The following TSPAN18 variants were observed in gnomAD, a reference collection of about 807,000 sequenced individuals.
TSPAN18 encodes the protein tetraspanin-18.
Under a neutral mutation model 27.3 loss-of-function variants are expected in TSPAN18, and 14 were observed. That is an observed-to-expected ratio of 0.51 (90% CI 0.34 to 0.80). The LOEUF (loss-of-function observed/expected upper bound fraction) is 0.80, where lower values mean the gene tolerates loss of function less well. Among genes scored for constraint, TSPAN18 ranks in the 30% least tolerant of loss-of-function variants. The probability of loss-of-function intolerance (pLI) is 0.01; values close to 1 mark genes in which losing one functional copy is unlikely to be tolerated. For missense variants in TSPAN18, 268 were observed against 323.9 expected (o/e 0.83, Z 1.32); for synonymous variants, 143 against 136.5 (o/e 1.05, Z -0.33).
intron 3 of TSPAN18, among the ~76,000 whole-genome samples, chr11:44,896,643 C>T (rs147242901): frequency 1.2e-3 from 181 of 152,302 alleles, no homozygotes; most frequent in African/African-American, 4.3e-3. Context: ...TACCTCTGCA[C>T]TCCCCCAAGA....
At chr11:44,786,445 A>G (rs1380205026) in intron 2 of TSPAN18, among the ~76,000 whole-genome samples, 3 of 151,322 alleles carry the variant, frequency 2.0e-5, no homozygotes, top group Non-Finnish European at 2.9e-5. Flanking sequence ...GGGTAGGTTC[A>G]GAGTGAAACT....
At chr11:44,872,638 T>C (rs114503141) in intron 3 of TSPAN18, among the ~76,000 whole-genome samples, 75 of 152,332 alleles carry the variant, frequency 4.9e-4, no homozygotes, top group African/African-American at 1.8e-3. Flanking sequence ...GCTTACTATA[T>C]GCCAGACTCT....
intron 2 of TSPAN18, among the ~76,000 whole-genome samples, chr11:44,768,758 C>G (rs955026240): frequency 5.3e-5 from 8 of 152,026 alleles, no homozygotes; most frequent in Non-Finnish European, 1.0e-4. Flanking sequence ...GGAAGATCCC[C>G]TTAATTCCTA....
At chr11:44,794,845 A>G (rs1024626763) in intron 2 of TSPAN18, among the ~76,000 whole-genome samples, 2 of 152,194 alleles carry the variant, frequency 1.3e-5, no homozygotes, top group Admixed American at 1.3e-4. Flanking sequence ...GTGAGGACTT[A>G]AGAGAGAATG....
chr11:44,829,654 G>GT (rs1283812471), intron 2 of TSPAN18, among the ~76,000 whole-genome samples: 2 of 152,078 alleles, frequency 1.3e-5, no homozygotes, highest in Non-Finnish European at 2.9e-5. Context: ...TTAGTGTGCG[G>GT]TTTTTTGCGT....
chr11:44,740,984 C>T (rs928794660), intron 1 of TSPAN18, among the ~76,000 whole-genome samples: 1 of 152,096 alleles, frequency 6.6e-6, no homozygotes, highest in Non-Finnish European at 1.5e-5. Flanking sequence ...TTTGCCATCC[C>T]TGTGGATTTC....
At chr11:44,832,088 A>C (rs1324058778) in intron 2 of TSPAN18, among the ~76,000 whole-genome samples, 1 of 152,194 alleles carries the variant, frequency 6.6e-6, no homozygotes, top group Non-Finnish European at 1.5e-5. Flanking sequence ...CCACCTGTCC[A>C]AGCACTTGAC....
intron 2 of TSPAN18, among the ~76,000 whole-genome samples, chr11:44,773,886 C>T (rs1021633606): frequency 6.6e-6 from 1 of 152,102 alleles, no homozygotes; most frequent in Non-Finnish European, 1.5e-5. Context: ...TTTGTGTACC[C>T]GTGCTTGGGG....
chr11:44,761,854 T>C (rs1855461885), intron 1 of TSPAN18, among the ~76,000 whole-genome samples: 1 of 152,204 alleles, frequency 6.6e-6, no homozygotes, highest in East Asian at 1.9e-4. Flanking sequence ...CCCGAGTTCC[T>C]CTGCGATGCT....
At chr11:44,851,265 C>A (rs750063478) in intron 2 of TSPAN18, among the ~76,000 whole-genome samples, 19 of 152,174 alleles carry the variant, frequency 1.2e-4, no homozygotes, top group Non-Finnish European at 2.6e-4. Context: ...CTTCCGGCGT[C>A]ACCTGCCCCT....
intron 1 of TSPAN18, among the ~76,000 whole-genome samples, chr11:44,762,195 G>C (rs1565137703): frequency 1.3e-5 from 2 of 152,194 alleles, no homozygotes; most frequent in Non-Finnish European, 2.9e-5. Context: ...ATTGCAGCAA[G>C]GCTATAGAGG....
At chr11:44,804,848 T>C (rs1010287219) in intron 2 of TSPAN18, among the ~76,000 whole-genome samples, 2 of 152,158 alleles carry the variant, frequency 1.3e-5, no homozygotes, top group African/African-American at 4.8e-5. Context: ...AGAGAACCTC[T>C]CCACTTCCCA....
intron 3 of TSPAN18, among the ~76,000 whole-genome samples, chr11:44,876,221 T>C (rs563089472): frequency 2.6e-5 from 4 of 152,280 alleles, no homozygotes; most frequent in African/African-American, 9.6e-5. Flanking sequence ...TCACCCTGGC[T>C]CATTCCCCAG....
At chr11:44,806,018 T>C (rs1856584998) in intron 2 of TSPAN18, among the ~76,000 whole-genome samples, 2 of 151,280 alleles carry the variant, frequency 1.3e-5, no homozygotes, top group African/African-American at 4.9e-5. Flanking sequence ...TAGACACACA[T>C]TTTGAGGGAA....
chr11:44,915,724 T>TG (rs1271696208), intron 5 of TSPAN18, among the ~76,000 whole-genome samples: 3 of 152,214 alleles, frequency 2.0e-5, no homozygotes, highest in African/African-American at 7.2e-5. Context: ...AAAAGGCAGC[T>TG]GGGCCAGGAG....
intron 1 of TSPAN18, among the ~76,000 whole-genome samples, chr11:44,752,566 TTGTG>T (rs10539343): frequency 3.3e-5 from 5 of 151,566 alleles, no homozygotes; most frequent in East Asian, 1.9e-4. Context: ...CTTTGACAGT[TTGTG>T]TGTGTGTGTG....
chr11:44,755,107 A>T (rs1233592065), intron 1 of TSPAN18, among the ~76,000 whole-genome samples: 1 of 152,138 alleles, frequency 6.6e-6, no homozygotes, highest in African/African-American at 2.4e-5. Flanking sequence ...GCAATCATTT[A>T]TGGGGATTGG....
At position 44,909,789 on chromosome 11, in the gene TSPAN18, C is replaced by G; in HGVS notation, c.148C>G (p.Leu50Val). 6.2e-7 allele frequency: 1 copy of G among 1,614,082 alleles called. No homozygotes were observed. The highest frequency in any genetic ancestry group is 1.1e-5 in the South Asian group (1 of 91,078). ...GFREIVAANP[L>V]LLTGAYILLA... is the part of the protein sequence containing the mutation. ...CCGGGAGATCGTGGCTGCCAATCCT[C>G]TGCTCCTCACGGGCGCCTACATCCT... is the stretch of plus-strand genomic sequence containing the variant. Residue 50 changes from leucine to valine, a missense_variant, in exon 5 of 10, where the codon CTG becomes GTG. Leu to Val is a conservative substitution (Grantham distance 32, BLOSUM62 1). Transcript: ENST00000520358.
chr11:44,895,784 C>T lies in TSPAN18; in HGVS notation c.-10-10623C>T, dbSNP rs141506996. Among the ~76,000 whole-genome samples, 715 of 152,236 alleles carry T rather than the reference C, an allele frequency of 4.7e-3. 8 individuals are homozygous for T. Among genetic ancestry groups the T allele is most frequent in the African/African-American group, 0.016 (658 of 41,526 alleles). ...TCTCATATCAGCCTCAGTGTCCAGA[C>T]GGAGATGAGGCAGGGAATGGTGATA... On this transcript the variant is annotated intron_variant, in intron 3 of 9. Coordinates refer to ENST00000520358, the MANE Select transcript of TSPAN18 (RefSeq NM_130783.5).
Sources: gnomAD v4.1 joint callset for allele counts (sites outside exome capture counted in the v4.1 genomes callset) on GRCh38, gnomAD v4.1.1 for gene constraint, MANE v1.5 for transcripts, NCBI Gene and HGNC (gene_info 2026-07-23, HGNC 2026-07-21) for gene names.